The following PDCD6 variants were observed in gnomAD, a reference collection of about 807,000 sequenced individuals.
PDCD6 encodes programmed cell death protein 6.
In PDCD6, 12 loss-of-function variants were observed where a neutral mutation model predicts 28.3. That is an observed-to-expected ratio of 0.42 (90% CI 0.27 to 0.69). PDCD6 has a LOEUF of 0.69. PDCD6 is among the 30% of genes least tolerant of loss of function. The pLI is 0.22. For missense variants in PDCD6, 226 were observed against 269.9 expected (o/e 0.84, Z 1.14); for synonymous variants, 92 against 108.0 (o/e 0.85, Z 0.92).
intron 2 of PDCD6, chr5:289,004 A>G: frequency 8.0e-7 from 1 of 1,244,268 alleles, no homozygotes; most frequent in Admixed American, 1.7e-5. Flanking sequence ...TACCTTCGGA[A>G]TGTAGTAAAT....
chr5:291,776 G>C (rs1739330083), intron 2 of PDCD6, among the ~76,000 whole-genome samples: 1 of 152,220 alleles, frequency 6.6e-6, no homozygotes, highest in Admixed American at 6.5e-5. Context: ...TCTGAGGGGA[G>C]CATGGGAAAT....
intron 2 of PDCD6, among the ~76,000 whole-genome samples, chr5:277,276 C>G (rs113237849): frequency 0.012 from 1,773 of 150,776 alleles, 15 homozygotes; most frequent in Non-Finnish European, 0.02. Flanking sequence ...CAGGTGCCCA[C>G]CACCACGCCC....
At chr5:299,315 C>T (rs1187233643) in intron 2 of PDCD6, among the ~76,000 whole-genome samples, 7 of 97,310 alleles carry the variant, frequency 7.2e-5, no homozygotes, top group Admixed American at 5.2e-4. Context: ...CTGGGGCACC[C>T]GTTCCTGTGG....
At chr5:292,557 C>T (rs964986456) in intron 2 of PDCD6, among the ~76,000 whole-genome samples, 3 of 152,224 alleles carry the variant, frequency 2.0e-5, no homozygotes, top group African/African-American at 7.2e-5. Context: ...CCATGCCTGG[C>T]CTGCCTTTTT....
At chr5:314,388 C>A (rs751222340) in intron 5 of PDCD6, 29 bp from the exon 6 acceptor site, 42 of 1,526,832 alleles carry the variant, frequency 2.8e-5, no homozygotes, top group Non-Finnish European at 3.4e-5. Flanking sequence ...CATTTACTAT[C>A]GAGATTTAAA....
In PDCD6 at chr5:277,912, C is replaced by CAAAAAAA. The variant is rs529926870; in HGVS notation, c.163+5152_163+5158dup. Among the ~76,000 whole-genome samples the CAAAAAAA allele has an allele frequency of 1.4e-3, 150 of 111,016 alleles. 2 individuals carry two copies. The highest frequency in any genetic ancestry group is 5.1e-3 in the African/African-American group (143 of 28,040). 72.8% of individuals were successfully genotyped at this position (111,016 alleles called of 152,430 possible). On this transcript the variant is annotated intron_variant, in intron 2 of 5. Transcript: ENST00000264933. The stretch of plus-strand genomic sequence containing the variant: ...CCTGGGGGGCAGTGAGACTCCATCT[C>CAAAAAAA]AAAAAAAAAAAAAAAAAAGAATAGA...
chr5:281,472 G>A (rs1190796941), intron 2 of PDCD6, among the ~76,000 whole-genome samples: 1 of 152,238 alleles, frequency 6.6e-6, no homozygotes, highest in Non-Finnish European at 1.5e-5. Context: ...GACAGTGAAG[G>A]AGCTGGTTTG....
chr5:303,714 C>T (rs1170465256), intron 2 of PDCD6, among the ~76,000 whole-genome samples: 1 of 151,010 alleles, frequency 6.6e-6, no homozygotes, highest in Admixed American at 6.6e-5. Context: ...AGTGTGAATG[C>T]CACAGCGACC....
chr5:272,890 T>A, intron 2 of PDCD6, 118 bp downstream of exon 2: 1 of 1,431,156 alleles, frequency 7.0e-7, no homozygotes, highest in Non-Finnish European at 9.5e-7. Flanking sequence ...TAGGACAAAT[T>A]GTTATTACTG....
rs139687899 is a variant in PDCD6, at chr5:297,062, C to T, written c.164-7115C>T. 8.1e-3 allele frequency among the ~76,000 whole-genome samples: 1,238 copies of T among 152,368 alleles called. 6 individuals are homozygous for T. Among genetic ancestry groups the T allele is most frequent in the Non-Finnish European group, 0.014 (941 of 68,042 alleles). The stretch of plus-strand genomic sequence containing the variant: ...AGTGTCTGGTGCTCGGCGCTGGAGG[C>T]TCAGCCCACACTGTGCCGGGCAGTC... On this transcript the variant is annotated intron_variant, in intron 2 of 5. Transcript: ENST00000264933.
rs1006011768 is a variant in PDCD6, at chr5:276,584, A to G, written c.163+3812A>G. 3 of 981,820 alleles carry G rather than the reference A, an allele frequency of 3.1e-6. No individual in the cohort carries two copies. In the African/African-American group the frequency reaches 5.3e-5, roughly 17 times the overall value. The allele number at this position is 981,820 out of a possible 1,614,324, so 60.8% of individuals were successfully genotyped here. ...TACTAATATGAATTCCTATACTAAT[A>G]TGATTGAAATTAGTTTGATTTCTAT... On this transcript the variant is annotated intron_variant, in intron 2 of 5. Coordinates refer to ENST00000264933, the MANE Select transcript of PDCD6 (RefSeq NM_013232.4).
At chr5:293,935 A>G (rs1421023976) in intron 2 of PDCD6, among the ~76,000 whole-genome samples, 1 of 91,594 alleles carries the variant, frequency 1.1e-5, no homozygotes, top group African/African-American at 6.4e-5. Flanking sequence ...GGAGAAAGGT[A>G]TGACAGGAAG....
intron 1 of PDCD6, 107 bp downstream of exon 1, chr5:271,928 T>A: frequency 1.9e-6 from 1 of 526,588 alleles, no homozygotes; most frequent in Non-Finnish European, 3.0e-6. Flanking sequence ...TACTGCGGCC[T>A]CCTCCGTCCC....
chr5:289,888 C>G (rs1739214087), intron 2 of PDCD6: 2 of 1,512,298 alleles, frequency 1.3e-6, no homozygotes, highest in Non-Finnish European at 1.8e-6. Flanking sequence ...TCGATTTAAA[C>G]TATTGGAATT....
chr5:296,710 AC>A (rs372398113), intron 2 of PDCD6, among the ~76,000 whole-genome samples: 52 of 152,344 alleles, frequency 3.4e-4, no homozygotes, highest in African/African-American at 1.2e-3. Flanking sequence ...GGGAAGGTGG[AC>A]CAGAAAGGTG....
intron 2 of PDCD6, among the ~76,000 whole-genome samples, chr5:294,170 G>A (rs1739456604): frequency 1.3e-5 from 2 of 151,602 alleles, no homozygotes; most frequent in African/African-American, 4.9e-5. Context: ...GACACCAAAA[G>A]CATGATTCAT....
intron 2 of PDCD6, 108 bp downstream of exon 2, chr5:272,880 T>G (rs1235651561): frequency 1.4e-6 from 2 of 1,452,696 alleles, no homozygotes; most frequent in Non-Finnish European, 1.9e-6. Flanking sequence ...AAGGAATCAT[T>G]AGGACAAATT....
At position 314,971 on chromosome 5, in the gene PDCD6, G is replaced by C. The variant is rs1050084928; in HGVS notation, c.*456G>C. 7.0e-6 allele frequency: 2 copies of C among 287,020 alleles called. No individual in the cohort carries two copies. Among genetic ancestry groups the C allele is most frequent in the Non-Finnish European group, 1.4e-5 (2 of 146,848 alleles). 17.8% of individuals were successfully genotyped at this position (287,020 alleles called of 1,614,324 possible). On this transcript the variant is annotated 3_prime_UTR_variant, in exon 6 of 6. Transcript: ENST00000264933. The stretch of plus-strand genomic sequence containing the variant: ...GTAAGCAATAAAGGGAATGTTAGAC[G>C]TGTGGTCTGCCTTCAGCTTTTCAAA...
chr5:283,125 A>G (rs1181813569), intron 2 of PDCD6, among the ~76,000 whole-genome samples: 2 of 148,872 alleles, frequency 1.3e-5, no homozygotes, highest in African/African-American at 5.0e-5. Context: ...CTGCAGAATC[A>G]GAGAGGAGCT....
Sources: allele counts gnomAD v4.1 joint callset (sites outside exome capture counted in the v4.1 genomes callset), GRCh38; gene constraint gnomAD v4.1.1; transcripts MANE v1.5; gene names NCBI Gene and HGNC (gene_info 2026-07-23, HGNC 2026-07-21).